MCC: variants seen among roughly 807,000 people sequenced by gnomAD.
MCC encodes MCC regulator of Wnt signaling pathway.
MCC carries 90 observed loss-of-function variants against 116.2 expected under a neutral mutation model. The ratio of observed to expected loss-of-function variants is 0.77; its 90% CI spans 0.65 to 0.92. MCC has a LOEUF of 0.92. MCC is among the 40% of genes least tolerant of loss of function. The pLI, the probability that MCC is intolerant of heterozygous loss-of-function variation, is 0.00. For synonymous variants in MCC, 578 were observed against 510.5 expected (o/e 1.13, Z -1.78); for missense variants, 1,516 against 1,312.2 (o/e 1.16, Z -2.40).
chr5:113,071,073 A>G (rs1754001645), intron 12 of MCC, 21 bp downstream of exon 12: 2 of 1,588,182 alleles, frequency 1.3e-6, no homozygotes, highest in Non-Finnish European at 1.7e-6. Flanking sequence ...AGTAGCTCCA[A>G]ACATCCCAGT....
At chr5:113,177,229 T>C (rs1235334715) in intron 3 of MCC, among the ~76,000 whole-genome samples, 1 of 152,186 alleles carries the variant, frequency 6.6e-6, no homozygotes, top group Non-Finnish European at 1.5e-5. Context: ...TTTGGTCTCC[T>C]CTAGTAGTCT....
At chr5:113,420,782 G>A (rs1396905953) in intron 1 of MCC, among the ~76,000 whole-genome samples, 1 of 152,196 alleles carries the variant, frequency 6.6e-6, no homozygotes, top group African/African-American at 2.4e-5. Flanking sequence ...AGGCAGGGAG[G>A]ACGGCAGCAC....
chr5:113,436,662 C>G (rs1379804684), intron 1 of MCC: 1 of 152,220 alleles, frequency 6.6e-6, no homozygotes, highest in Non-Finnish European at 1.5e-5. Flanking sequence ...ATCCCCTTCC[C>G]TTTCTAGCTC....
chr5:113,104,685 T>C, intron 6 of MCC: 1 of 202,550 alleles, frequency 4.9e-6, no homozygotes, highest in Non-Finnish European at 1.0e-5. Flanking sequence ...ACCTGTCTGC[T>C]GTCATTCAGA....
At chr5:113,255,114 G>A (rs1484732758) in intron 3 of MCC, among the ~76,000 whole-genome samples, 3 of 152,120 alleles carry the variant, frequency 2.0e-5, no homozygotes, top group Admixed American at 6.6e-5. Context: ...GCAGTGAGCC[G>A]AGATTGCACC....
chr5:113,077,289 C>G (rs755533847), intron 11 of MCC, among the ~76,000 whole-genome samples: 3 of 152,176 alleles, frequency 2.0e-5, no homozygotes, highest in African/African-American at 7.2e-5. Flanking sequence ...TTGAACTCAG[C>G]TGTCCACCAA....
Position 113,122,416 on chromosome 5 carries a change from G to A in MCC, c.1027+268C>T, listed in dbSNP as rs187885832. ...AGATATTACTGTAATTTGGAATACT[G>A]CAATAGCCTTTTAAACTGGTTCCCT... On this transcript the variant is annotated intron_variant, in intron 6 of 18. Transcript: ENST00000408903. Among the ~76,000 whole-genome samples the A allele has an allele frequency of 2.4e-3, 369 of 152,264 alleles. 2 individuals carry two copies. Among genetic ancestry groups the A allele is most frequent in the Non-Finnish European group, 3.1e-3 (208 of 68,020 alleles).
intron 3 of MCC, among the ~76,000 whole-genome samples, chr5:113,271,848 T>C (rs1765630170): frequency 1.3e-5 from 2 of 152,172 alleles, no homozygotes; most frequent in Admixed American, 6.5e-5. Flanking sequence ...CCCTGACAGA[T>C]GACAGTCCCT....
chr5:113,340,379 G>A (rs919403281), intron 3 of MCC, 140 bp downstream of exon 3: 10 of 752,910 alleles, frequency 1.3e-5, no homozygotes, highest in Non-Finnish European at 1.9e-5. Context: ...AAACATTACT[G>A]GCAATGCTGG....
At chr5:113,119,000 A>G (rs1321345635) in intron 6 of MCC, among the ~76,000 whole-genome samples, 1 of 152,152 alleles carries the variant, frequency 6.6e-6, no homozygotes, top group Non-Finnish European at 1.5e-5. Context: ...CTCCTCCCCG[A>G]GGTTATCACC....
intron 3 of MCC, among the ~76,000 whole-genome samples, chr5:113,171,212 A>G (rs539587301): frequency 6.6e-6 from 1 of 151,920 alleles, no homozygotes; most frequent in African/African-American, 2.4e-5. Flanking sequence ...CCTAAAGACA[A>G]AAGGAGGAAG....
chr5:113,348,337 T>C (rs1768182414), intron 2 of MCC, among the ~76,000 whole-genome samples: 1 of 152,142 alleles, frequency 6.6e-6, no homozygotes, highest in South Asian at 2.1e-4. Flanking sequence ...TATTAAAACA[T>C]TCAAAAAACT....
At chr5:113,060,146 T>TC (rs532874598) in intron 14 of MCC, among the ~76,000 whole-genome samples, 2 of 151,760 alleles carry the variant, frequency 1.3e-5, no homozygotes, top group Non-Finnish European at 2.9e-5. Flanking sequence ...GAGCAGCTCT[T>TC]TTTGTTTGTT....
At chr5:113,262,094 AT>A (rs35969668) in intron 3 of MCC, among the ~76,000 whole-genome samples, 5 of 151,158 alleles carry the variant, frequency 3.3e-5, no homozygotes, top group Admixed American at 1.3e-4. Flanking sequence ...TTTAATTTTT[AT>A]TTTTTTTTAA....
At chr5:113,243,421 A>G (rs755669646) in intron 3 of MCC, among the ~76,000 whole-genome samples, 1 of 152,222 alleles carries the variant, frequency 6.6e-6, no homozygotes, top group African/African-American at 2.4e-5. Context: ...CACGTACAGG[A>G]CTACTGTCTC....
intron 12 of MCC, among the ~76,000 whole-genome samples, chr5:113,068,542 G>T (rs1198494566): frequency 1.3e-5 from 2 of 152,346 alleles, no homozygotes; most frequent in Admixed American, 1.3e-4. Context: ...CCCTTGTGCT[G>T]TCCCCCATCT....
At chr5:113,047,204 T>C (rs1752151177) in intron 16 of MCC, among the ~76,000 whole-genome samples, 1 of 152,218 alleles carries the variant, frequency 6.6e-6, no homozygotes, top group Non-Finnish European at 1.5e-5. Context: ...CTGGGGACAT[T>C]CTCTCACTGC....
chr5:113,393,611 A>C (rs915643135), intron 1 of MCC, among the ~76,000 whole-genome samples: 2 of 152,230 alleles, frequency 1.3e-5, no homozygotes, highest in African/African-American at 4.8e-5. Context: ...CATCAGATTT[A>C]TAGTCCCACT....
chr5:113,417,749 T>C (rs894356193), intron 1 of MCC, among the ~76,000 whole-genome samples: 1 of 152,022 alleles, frequency 6.6e-6, no homozygotes, highest in African/African-American at 2.4e-5. Context: ...GGCAACATGG[T>C]GAAACCCTGT....
Sources: gnomAD v4.1 joint callset for allele counts (sites outside exome capture counted in the v4.1 genomes callset) on GRCh38, gnomAD v4.1.1 for gene constraint, MANE v1.5 for transcripts, NCBI Gene and HGNC (gene_info 2026-07-23, HGNC 2026-07-21) for gene names.